Variants in MRPL13 observed in about 807,000 individuals in gnomAD.
MRPL13 encodes the protein mitochondrial ribosomal protein L13, also known as large ribosomal subunit protein uL13m.
A neutral mutation model predicts 29.0 loss-of-function variants in MRPL13; 33 were observed. That is an observed-to-expected ratio of 1.14 (90% CI 0.86 to 1.52). The LOEUF is 1.52. MRPL13 is among the 40% of genes most tolerant of loss of function. The pLI is 0.00. For missense variants in MRPL13, 227 were observed against 216.7 expected (o/e 1.05, Z -0.30); for synonymous variants, 77 against 68.4 (o/e 1.13, Z -0.62).
At chr8:120,418,927 A>G (rs1231489162) in intron 5 of MRPL13, among the ~76,000 whole-genome samples, 2 of 152,066 alleles carry the variant, frequency 1.3e-5, no homozygotes, top group Non-Finnish European at 2.9e-5. Context: ...ATAACTATTC[A>G]TGTATTGTTT....
chr8:120,433,074 AAAG>A (rs1220665700), intron 2 of MRPL13, among the ~76,000 whole-genome samples: 1 of 152,132 alleles, frequency 6.6e-6, no homozygotes, highest in East Asian at 1.9e-4. Context: ...AGAATAAAGA[AAAG>A]AAGATAATGC....
chr8:120,424,603 A>C (rs1812911206), intron 4 of MRPL13, among the ~76,000 whole-genome samples: 1 of 151,998 alleles, frequency 6.6e-6, no homozygotes, highest in South Asian at 2.1e-4. Flanking sequence ...GGTCTCCACA[A>C]AAAATAAAAA....
rs1032913985 is a variant in MRPL13 at position 120,414,231 on chromosome 8, CAT to C, written c.394-121_394-120del. 5.0e-6 allele frequency: 4 copies of C among 807,282 alleles called. 1 individual carries two copies. The African/African-American group carries it at 5.4e-5, about 11-fold the overall frequency. 50.0% of individuals were successfully genotyped at this position (807,282 alleles called of 1,614,324 possible). A position where few individuals can be genotyped will look rare whatever the true frequency, so the allele number is the denominator to read the frequency against. On this transcript the variant is annotated intron_variant, in intron 5 of 6. Transcript: ENST00000306185. ...AAGAATGCTCGTAGAATAAGGAAAA[CAT>C]AAAATCTTTAAAATAAAAACCTTAT... is the stretch of plus-strand genomic sequence containing the variant.
chr8:120,399,001 T>TA (rs1357455930), intron 6 of MRPL13, among the ~76,000 whole-genome samples: 1 of 151,274 alleles, frequency 6.6e-6, no homozygotes, highest in Non-Finnish European at 1.5e-5. Context: ...TGGGACTATG[T>TA]AAAAACCTAT....
chr8:120,444,197 A>AT (rs1477041034), intron 1 of MRPL13, among the ~76,000 whole-genome samples: 1 of 152,186 alleles, frequency 6.6e-6, no homozygotes, highest in African/African-American at 2.4e-5. Flanking sequence ...GCGATGTCAG[A>AT]TTGCTGAAAA....
At chr8:120,406,120 A>G (rs1342876600) in intron 6 of MRPL13, among the ~76,000 whole-genome samples, 1 of 152,190 alleles carries the variant, frequency 6.6e-6, no homozygotes, top group African/African-American at 2.4e-5. Context: ...TTAGAGGGAT[A>G]TTTCAAATGC....
At chr8:120,444,719 C>T (rs968042479) in intron 1 of MRPL13, among the ~76,000 whole-genome samples, 5 of 152,060 alleles carry the variant, frequency 3.3e-5, no homozygotes, top group Admixed American at 6.6e-5. Flanking sequence ...GGATCAAAAC[C>T]CTCCAAAAGG....
At chr8:120,420,641 C>A (rs978941193) in intron 4 of MRPL13, among the ~76,000 whole-genome samples, 1 of 151,470 alleles carries the variant, frequency 6.6e-6, no homozygotes, top group East Asian at 1.9e-4. Context: ...ATTTCCATCA[C>A]GGCAAAAATT....
chr8:120,435,378 C>A (rs1244320725), intron 2 of MRPL13, among the ~76,000 whole-genome samples: 1 of 152,026 alleles, frequency 6.6e-6, no homozygotes, highest in African/African-American at 2.4e-5. Context: ...CACCCTCCAC[C>A]CTCAAGTAGT....
intron 3 of MRPL13, among the ~76,000 whole-genome samples, chr8:120,430,180 T>C (rs1812981887): frequency 6.6e-6 from 1 of 152,144 alleles, no homozygotes; most frequent in African/African-American, 2.4e-5. Context: ...GAGAATTGCT[T>C]GAACCTGGGA....
intron 3 of MRPL13, among the ~76,000 whole-genome samples, chr8:120,430,531 G>A (rs571552569): frequency 6.6e-6 from 1 of 152,280 alleles, no homozygotes; most frequent in South Asian, 2.1e-4. Flanking sequence ...GAAACAAAAA[G>A]CAATCAACTC....
intron 2 of MRPL13, 30 bp downstream of exon 2, chr8:120,443,155 G>A: frequency 6.7e-7 from 1 of 1,485,866 alleles, no homozygotes; most frequent in Non-Finnish European, 9.0e-7. Flanking sequence ...AAACTACAGT[G>A]GTTAATGACA....
In MRPL13 at chr8:120,396,144, A is replaced by G. The variant is rs566525382; in HGVS notation, c.516-19T>C. The G allele has an allele frequency of 6.5e-6, 10 of 1,545,130 alleles. No individual in the cohort carries two copies. In the South Asian group the frequency reaches 8.1e-5, roughly 13 times the overall value. On this transcript the variant is annotated intron_variant, in intron 6 of 6. Transcript: ENST00000306185. ...TTCAGGTCTGAAAGAAAAAATCAAC[A>G]TATTTCTTCATGAATCATTATTTTG...
chr8:120,403,066 C>T (rs1348707191), intron 6 of MRPL13, among the ~76,000 whole-genome samples: 2 of 152,170 alleles, frequency 1.3e-5, no homozygotes, highest in Non-Finnish European at 2.9e-5. Context: ...TAAATTAGTT[C>T]AACCATTGTG....
intron 2 of MRPL13, among the ~76,000 whole-genome samples, chr8:120,440,083 A>C (rs1813100663): frequency 6.6e-6 from 1 of 152,216 alleles, no homozygotes; most frequent in South Asian, 2.1e-4. Flanking sequence ...CTTGGAACTT[A>C]GTCTAGTGAA....
In MRPL13 at chr8:120,402,667, G is replaced by C. The variant is rs368127413; in HGVS notation, c.516-6542C>G. 1.2e-4 allele frequency among the ~76,000 whole-genome samples: 18 copies of C among 152,236 alleles called. 1 individual carries two copies. The East Asian group carries it at 2.1e-3, about 18-fold the overall frequency. On this transcript the variant is annotated intron_variant, in intron 6 of 6. Transcript: ENST00000306185. The stretch of plus-strand genomic sequence containing the variant: ...ACAAATGGGATCTAATTAAACTAAA[G>C]AGCGTCTGTACAGCAAAATAAACTA...
chr8:120,444,880 A>C, intron 1 of MRPL13, 188 bp downstream of exon 1: 5 of 366,562 alleles, frequency 1.4e-5, no homozygotes, highest in Non-Finnish European at 2.7e-5. Flanking sequence ...AGAAGAGGGG[A>C]CGAGTAACAG....
chr8:120,432,392 C>T (rs1181437745), intron 2 of MRPL13, among the ~76,000 whole-genome samples: 1 of 152,016 alleles, frequency 6.6e-6, no homozygotes, highest in Non-Finnish European at 1.5e-5. Flanking sequence ...AACAATACAT[C>T]TTTTAAAGGC....
intron 2 of MRPL13, among the ~76,000 whole-genome samples, chr8:120,439,320 G>C (rs1206091361): frequency 6.6e-6 from 1 of 152,166 alleles, no homozygotes; most frequent in Non-Finnish European, 1.5e-5. Context: ...GTGCTATTTA[G>C]TGTTCCTAAA....
Sources: allele counts gnomAD v4.1 joint callset (sites outside exome capture counted in the v4.1 genomes callset), GRCh38; gene constraint gnomAD v4.1.1; transcripts MANE v1.5; gene names NCBI Gene and HGNC (gene_info 2026-07-23, HGNC 2026-07-21).